The following BEND4 variants were observed in gnomAD, a reference collection of about 807,000 sequenced individuals.
BEND4 encodes the protein BEN domain-containing protein 4.
Under a neutral mutation model 54.7 loss-of-function variants are expected in BEND4, and 27 were observed. The observed-to-expected ratio is 0.49, with a 90% CI of 0.36 to 0.68. BEND4 has a LOEUF of 0.68. BEND4 is among the 30% of genes least tolerant of loss of function. BEND4 has a pLI of 0.00. For synonymous variants in BEND4, 327 were observed against 299.5 expected (o/e 1.09, Z -0.95); for missense variants, 702 against 697.2 (o/e 1.01, Z -0.08).
At chr4:42,126,961 CTG>C (rs775030951) in intron 3 of BEND4, among the ~76,000 whole-genome samples, 11 of 152,168 alleles carry the variant, frequency 7.2e-5, no homozygotes, top group Non-Finnish European at 1.3e-4. Context: ...TATTTCTTAG[CTG>C]TGTGTTTTCT....
chr4:42,124,561 G>A (rs1215341618), intron 4 of BEND4, among the ~76,000 whole-genome samples: 1 of 152,110 alleles, frequency 6.6e-6, no homozygotes. Context: ...TGAGGGCCTG[G>A]GGTGACCAGA....
chr4:42,151,758 G>C lies in BEND4; in HGVS notation c.386C>G (p.Ser129Trp). Reference protein sequence around the residue: ...PPPASPAASSSSSFAAVVRYG... With the variant: ...PPPASPAASSWSSFAAVVRYG... ...CCTGACGACAGCGGCGAACGAAGAC[G>C]ACGAGGAGGCGGCGGGGGACGCGGG... is the stretch of plus-strand genomic sequence containing the variant. The change falls in exon 2 of 6, where the codon TCG becomes TGG. Residue 129 changes from serine (S) to tryptophan (W), a missense_variant. Transcript: ENST00000502486. 2 of 1,499,436 alleles carry C rather than the reference G, an allele frequency of 1.3e-6. No individual in the cohort carries two copies. The highest frequency in any genetic ancestry group is 1.8e-6 in the Non-Finnish European group (2 of 1,130,766). 92.9% of individuals were successfully genotyped at this position (1,499,436 alleles called of 1,614,324 possible).
rs749222163 is a variant in BEND4 at position 42,117,583 on chromosome 4, T to A, written c.1540A>T (p.Ile514Phe). The change falls in exon 6 of 6, where the codon ATC becomes TTC. Residue 514 changes from isoleucine (I) to phenylalanine (F), a missense_variant. Physicochemically the swap from Ile to Phe is conservative, Grantham distance 21. Transcript: ENST00000502486. ...TCATCCTGAGAAGCCTGGTGATCGA[T>A]CCCTTCATAAAATGAGCCACCGTTG... ...LHNGGSFYEG[I>F]DHQASQDEVF... is the part of the protein sequence containing the mutation. The A allele has an allele frequency of 5.6e-6, 9 of 1,613,268 alleles. No individual in the cohort carries two copies. The East Asian group carries it at 8.9e-5, about 16-fold the overall frequency.
chr4:42,117,634 CCT>C lies in BEND4; in HGVS notation c.1487_1488del (p.Gln496ArgfsTer16). On this transcript the variant is annotated frameshift_variant, in exon 6 of 6. Transcript: ENST00000502486. LOFTEE classifies it high-confidence loss of function. ...TGCAGGAAAGTCCCCACCGCCCGCC[CCT>C]GTCGGGCGTGACCGACAGCGTCGCT... is the stretch of plus-strand genomic sequence containing the variant. ...VFSDAVGHARQGRAVGTFLHN... is the reference protein window; with the variant it reads ...VFSDAVGHARXGRAVGTFLHN... The C allele has an allele frequency of 1.9e-6, 3 of 1,612,268 alleles. No individual in the cohort carries two copies. The highest frequency in any genetic ancestry group is 1.7e-6 in the Non-Finnish European group (2 of 1,179,004).
intron 4 of BEND4, 88 bp downstream of exon 4, chr4:42,125,495 C>A: frequency 1.0e-6 from 1 of 988,074 alleles, no homozygotes; most frequent in Non-Finnish European, 1.6e-6. Context: ...ATTTTGCTAG[C>A]CAGTCTGTTC....
intron 4 of BEND4, among the ~76,000 whole-genome samples, chr4:42,122,914 T>A (rs1030224749): frequency 6.6e-6 from 1 of 152,168 alleles, no homozygotes; most frequent in Non-Finnish European, 1.5e-5. Flanking sequence ...TAAGCGATGC[T>A]TTGCTGTGCC....
At chr4:42,130,261 A>T (rs1486447715) in intron 3 of BEND4, among the ~76,000 whole-genome samples, 1 of 152,160 alleles carries the variant, frequency 6.6e-6, no homozygotes, top group Non-Finnish European at 1.5e-5. Flanking sequence ...CGGGCGGATC[A>T]CAAGGTCAGG....
intron 4 of BEND4, among the ~76,000 whole-genome samples, chr4:42,122,661 A>T (rs1720109384): frequency 6.6e-6 from 1 of 152,238 alleles, no homozygotes; most frequent in Non-Finnish European, 1.5e-5. Flanking sequence ...GACGTGCACC[A>T]TCCTCTTAGT....
In BEND4 at chr4:42,151,696, C is replaced by T. The variant is rs986605173; in HGVS notation, c.448G>A (p.Gly150Ser). 8 of 1,502,440 alleles carry T rather than the reference C, an allele frequency of 5.3e-6. No individual in the cohort carries two copies. Among genetic ancestry groups the T allele is most frequent in the Non-Finnish European group, 6.2e-6 (7 of 1,129,066 alleles). 93.1% of individuals were successfully genotyped at this position (1,502,440 alleles called of 1,614,324 possible). A position where few individuals can be genotyped will look rare whatever the true frequency, so the allele number is the denominator to read the frequency against. ...AGGCTGGCGCTGTCGCTACCCGTGCCGCCGGTGCCGGCGGCCGCCGCCGCG... is the reference window on the plus strand; with the variant it reads ...AGGCTGGCGCTGTCGCTACCCGTGCTGCCGGTGCCGGCGGCCGCCGCCGCG... The part of the protein sequence containing the change: ...PGAAAAAGTG[G>S]TGSDSASLEL... Residue 150 changes from glycine (G) to serine (S), a missense_variant, in exon 2 of 6, where the codon GGC (glycine) becomes AGC (serine). Gly to Ser is a moderately conservative substitution (Grantham distance 56). Transcript: ENST00000502486.
At chr4:42,141,745 A>T (rs1720890211) in intron 3 of BEND4, among the ~76,000 whole-genome samples, 1 of 152,230 alleles carries the variant, frequency 6.6e-6, no homozygotes, top group Non-Finnish European at 1.5e-5. Flanking sequence ...CGTCTCAATT[A>T]AAACAAACAA....
At chr4:42,139,443 CACA>C (rs1257162241) in intron 3 of BEND4, among the ~76,000 whole-genome samples, 2 of 151,898 alleles carry the variant, frequency 1.3e-5, no homozygotes, top group African/African-American at 2.4e-5. Context: ...AGTGCCTGCC[CACA>C]ACTTCTTTTT....
Position 42,143,742 on chromosome 4 carries a change from C to T in BEND4, c.740G>A (p.Arg247Lys), listed in dbSNP as rs1463868007. 6.2e-7 allele frequency: 1 copy of T among 1,613,868 alleles called. No individual in the cohort carries two copies. Among genetic ancestry groups the T allele is most frequent in the Non-Finnish European group, 8.5e-7 (1 of 1,179,896 alleles). Residue 247 changes from arginine (R) to lysine (K), a missense_variant, in exon 3 of 6, where the codon AGG becomes AAG. Coordinates refer to ENST00000502486, the MANE Select transcript of BEND4 (RefSeq NM_207406.4). ...QRKQQTSAFLRVFTDSLQNYL... is the reference protein window; with the variant it reads ...QRKQQTSAFLKVFTDSLQNYL... Reference sequence around the variant, plus strand: ...ATTTTGTAGAGAGTCAGTGAAAACCCTCAAAAAGGCAGAAGTTTGTTGTTT... The same window carrying T: ...ATTTTGTAGAGAGTCAGTGAAAACCTTCAAAAAGGCAGAAGTTTGTTGTTT...
intron 2 of BEND4, among the ~76,000 whole-genome samples, chr4:42,144,652 T>C (rs1224245550): frequency 1.3e-5 from 2 of 152,214 alleles, no homozygotes; most frequent in East Asian, 1.9e-4. Context: ...TCAAGGCCAA[T>C]GTTTAGGCTG....
chr4:42,142,677 T>TA (rs766019816), intron 3 of BEND4, among the ~76,000 whole-genome samples: 135 of 138,080 alleles, frequency 9.8e-4, no homozygotes, highest in Non-Finnish European at 1.5e-3. Context: ...CTTACCAGTT[T>TA]AAAAAAAAAA....
In BEND4 at chr4:42,120,034, T is replaced by C; in HGVS notation, c.1387+20A>G. On this transcript the variant is annotated intron_variant, in intron 5 of 5. Coordinates refer to ENST00000502486, the MANE Select transcript of BEND4 (RefSeq NM_207406.4). ...GAAATGAGATCACAGATGGTGACAC[T>C]GAGCGGAAGGATGCAGTACCTCGGA... 5 of 1,613,882 alleles carry C rather than the reference T, an allele frequency of 3.1e-6. No homozygotes were observed. The highest frequency in any genetic ancestry group is 4.2e-6 in the Non-Finnish European group (5 of 1,179,828).
At position 42,115,571 on chromosome 4, in the gene BEND4, G is replaced by A. The variant is rs1719777333; in HGVS notation, c.*1947C>T. The A allele has an allele frequency of 6.6e-6, 1 of 152,192 alleles. No homozygotes were observed. The highest frequency in any genetic ancestry group is 2.1e-4 in the South Asian group (1 of 4,826). 9.4% of individuals were successfully genotyped at this position (152,192 alleles called of 1,614,324 possible). ...TATTCAGCAGTAAGGACAACTTAAG[G>A]CCAATGAAAAATTAAGGTAAGATGG... On this transcript the variant is annotated 3_prime_UTR_variant, in exon 6 of 6. Transcript: ENST00000502486.
intron 2 of BEND4, among the ~76,000 whole-genome samples, chr4:42,147,293 C>CTTA (rs1272677669): frequency 6.6e-6 from 1 of 152,082 alleles, no homozygotes; most frequent in African/African-American, 2.4e-5. Flanking sequence ...AATCTTTCCA[C>CTTA]TTAATACACA....
chr4:42,122,093 T>C (rs1264061306), intron 4 of BEND4, among the ~76,000 whole-genome samples: 1 of 152,066 alleles, frequency 6.6e-6, no homozygotes, highest in Non-Finnish European at 1.5e-5. Context: ...CCAGTACTTT[T>C]GCGGAGGAAG....
chr4:42,147,481 CT>C (rs71664398), intron 2 of BEND4, among the ~76,000 whole-genome samples: 22,701 of 131,678 alleles, frequency 0.17, 1,040 homozygotes, highest in Middle Eastern at 0.21. Context: ...ATTTTTTTAA[CT>C]TTTTTTTTTT....
Sources: allele counts gnomAD v4.1 joint callset (sites outside exome capture counted in the v4.1 genomes callset), GRCh38; gene constraint gnomAD v4.1.1; transcripts MANE v1.5; gene names NCBI Gene and HGNC (gene_info 2026-07-23, HGNC 2026-07-21).